The following CAMTA1 variants were observed in gnomAD, a reference collection of about 807,000 sequenced individuals.
CAMTA1 encodes the protein calmodulin-binding transcription activator 1.
CAMTA1 carries 27 observed loss-of-function variants against 170.9 expected under a neutral mutation model. The observed-to-expected ratio is 0.16, with a 90% CI of 0.12 to 0.22. The LOEUF (loss-of-function observed/expected upper bound fraction) is 0.22. Among genes scored for constraint, CAMTA1 ranks in the 10% least tolerant of loss-of-function variants. CAMTA1 has a pLI of 1.00. For missense variants in CAMTA1, 1,619 were observed against 2,217.2 expected, an observed-to-expected ratio of 0.73 and a Z score of 5.42; for synonymous variants, 833 against 891.5, an observed-to-expected ratio of 0.93 and a Z score of 1.17.
intron 6 of CAMTA1, among the ~76,000 whole-genome samples, chr1:7,540,768 T>C (rs1158431787): frequency 6.6e-6 from 1 of 151,834 alleles, no homozygotes; most frequent in Non-Finnish European, 1.5e-5. Context: ...GATAGTTACA[T>C]AGTCAAAAAA....
chr1:7,436,539 G>A (rs1464577926), intron 5 of CAMTA1, among the ~76,000 whole-genome samples: 1 of 152,162 alleles, frequency 6.6e-6, no homozygotes, highest in South Asian at 2.1e-4. Flanking sequence ...AGACCACAGG[G>A]CCCCAGGGAA....
In CAMTA1 at chr1:7,356,194, G is replaced by A. The variant is rs1043538415; in HGVS notation, c.438+106568G>A. ...CTGGGGTGTTCTTACACACCTAGAG[G>A]AGCCCCAGGCTCTGCTGTTCCCTGT... On this transcript the variant is annotated intron_variant, in intron 5 of 22. Coordinates refer to ENST00000303635, the MANE Select transcript of CAMTA1 (RefSeq NM_015215.4). Among the ~76,000 whole-genome samples the A allele has an allele frequency of 9.2e-5, 14 of 152,326 alleles. No individual in the cohort carries two copies. In the South Asian group the frequency reaches 1.0e-3, roughly 11 times the overall value.
chr1:7,192,245 A>G (rs1002122265), intron 4 of CAMTA1, among the ~76,000 whole-genome samples: 2 of 152,192 alleles, frequency 1.3e-5, no homozygotes, highest in African/African-American at 2.4e-5. Flanking sequence ...CTTCCTCTGC[A>G]TCTTTCTCCA....
At chr1:7,121,710 G>A (rs893950574) in intron 4 of CAMTA1, among the ~76,000 whole-genome samples, 4 of 152,206 alleles carry the variant, frequency 2.6e-5, no homozygotes, top group African/African-American at 9.7e-5. Context: ...TACACAGCCC[G>A]AGACGGGAGC....
At chr1:6,993,906 T>C (rs935928153) in intron 3 of CAMTA1, among the ~76,000 whole-genome samples, 7 of 152,200 alleles carry the variant, frequency 4.6e-5, no homozygotes, top group Admixed American at 2.0e-4. Flanking sequence ...TCTGTTTATC[T>C]CACTTGTTTT....
intron 5 of CAMTA1, among the ~76,000 whole-genome samples, chr1:7,256,286 A>G (rs10864288): frequency 0.78 from 118,770 of 152,152 alleles, 46,811 homozygotes; most frequent in African/African-American, 0.9. Context: ...TAGGCCGGGC[A>G]CGGTGGCTCA....
chr1:6,881,742 C>T (rs565364223), intron 3 of CAMTA1, among the ~76,000 whole-genome samples: 72 of 152,174 alleles, frequency 4.7e-4, no homozygotes, highest in African/African-American at 1.5e-3. Context: ...CCAGTGTGGG[C>T]GGATCTTGAG....
intron 3 of CAMTA1, among the ~76,000 whole-genome samples, chr1:6,831,920 T>C (rs1008383967): frequency 2.6e-5 from 4 of 151,956 alleles, no homozygotes; most frequent in Non-Finnish European, 5.9e-5. Flanking sequence ...ACTTGAGTAA[T>C]AATTATAATG....
intron 5 of CAMTA1, among the ~76,000 whole-genome samples, chr1:7,258,889 C>CA (rs376260539): frequency 2.6e-4 from 40 of 152,148 alleles, no homozygotes; most frequent in African/African-American, 8.7e-4. Flanking sequence ...GATTAGGCAC[C>CA]AGCAGAGGGC....
chr1:7,545,459 C>T (rs900652622), intron 6 of CAMTA1, among the ~76,000 whole-genome samples: 9 of 152,172 alleles, frequency 5.9e-5, no homozygotes, highest in East Asian at 1.9e-4. Context: ...TTAATAGTTG[C>T]GTCCTTCAGT....
chr1:6,920,767 C>G (rs1486329993), intron 3 of CAMTA1, among the ~76,000 whole-genome samples: 1 of 152,220 alleles, frequency 6.6e-6, no homozygotes. Context: ...GGGCTTCCAC[C>G]CTCTGAAGCA....
intron 3 of CAMTA1, among the ~76,000 whole-genome samples, chr1:6,983,988 AGATG>A (rs908359331): frequency 8.5e-5 from 7 of 82,552 alleles, no homozygotes; most frequent in Non-Finnish European, 9.8e-5. Context: ...ATGAGTGGAT[AGATG>A]GATGGATGGA....
intron 12 of CAMTA1, among the ~76,000 whole-genome samples, chr1:7,733,899 G>A (rs2096751581): frequency 6.6e-6 from 1 of 152,136 alleles, no homozygotes; most frequent in Non-Finnish European, 1.5e-5. Context: ...GAAATCAGCA[G>A]GAAAGAAACA....
chr1:7,604,327 G>A (rs1212236629), intron 6 of CAMTA1, among the ~76,000 whole-genome samples: 2 of 152,198 alleles, frequency 1.3e-5, no homozygotes, highest in Non-Finnish European at 2.9e-5. Context: ...CAAATCAGAC[G>A]TAGAGTTGGT....
At chr1:7,739,802 G>C (rs2096797834) in intron 16 of CAMTA1, among the ~76,000 whole-genome samples, 1 of 152,046 alleles carries the variant, frequency 6.6e-6, no homozygotes. Context: ...TACAGTTCAA[G>C]ATTAGATTTG....
At chr1:7,338,674 GA>G (rs1557544913) in intron 5 of CAMTA1, among the ~76,000 whole-genome samples, 1 of 152,064 alleles carries the variant, frequency 6.6e-6, no homozygotes, top group Non-Finnish European at 1.5e-5. Flanking sequence ...CCACGAGAAA[GA>G]AAAAAAGTAG....
intron 3 of CAMTA1, among the ~76,000 whole-genome samples, chr1:6,907,686 C>T (rs1254239502): frequency 6.6e-6 from 1 of 152,176 alleles, no homozygotes; most frequent in Non-Finnish European, 1.5e-5. Context: ...CCAGCCTGCC[C>T]AGGGCGTAAG....
intron 5 of CAMTA1, among the ~76,000 whole-genome samples, chr1:7,258,422 G>A (rs535563935): frequency 6.6e-6 from 1 of 152,216 alleles, no homozygotes; most frequent in East Asian, 1.9e-4. Flanking sequence ...TAGCCCATAA[G>A]GACAGGAATG....
chr1:7,074,103 A>C (rs1296109866), intron 3 of CAMTA1, among the ~76,000 whole-genome samples: 1 of 152,102 alleles, frequency 6.6e-6, no homozygotes, highest in Non-Finnish European at 1.5e-5. Flanking sequence ...TGGGTTTTTG[A>C]AGGTAATCTC....
Sources: allele counts gnomAD v4.1 joint callset (sites outside exome capture counted in the v4.1 genomes callset), GRCh38; gene constraint gnomAD v4.1.1; transcripts MANE v1.5; gene names NCBI Gene and HGNC (gene_info 2026-07-23, HGNC 2026-07-21).